Variants in PKD1 observed in about 807,000 individuals in gnomAD.
The protein encoded by PKD1 is polycystin-1.
Under a neutral mutation model 361.7 loss-of-function variants are expected in PKD1, and 81 were observed. The observed-to-expected ratio is 0.22, with a 90% CI of 0.19 to 0.27. The LOEUF is 0.27. Among genes scored for constraint, PKD1 ranks in the 10% least tolerant of loss-of-function variants. The pLI is 1.00. For missense variants in PKD1, 6,399 were observed against 6,118.3 expected, an observed-to-expected ratio of 1.05 and a Z score of -1.53; for synonymous variants, 3,615 against 2,818.3, an observed-to-expected ratio of 1.28 and a Z score of -8.95.
chr16:2,112,209 A>C lies in PKD1; in HGVS notation c.3295+131T>G. 3.6e-6 allele frequency: 3 copies of C among 831,020 alleles called. No homozygotes were observed. In the South Asian group the frequency reaches 4.3e-5, roughly 12 times the overall value. The allele number at this position is 831,020 out of a possible 1,614,324, so 51.5% of individuals were successfully genotyped here. The stretch of plus-strand genomic sequence containing the variant: ...CCCTCCCTCACCCCAGTAGGGGCCT[A>C]AGCCATCAGCCCAGGTGAGGTCACA... On this transcript the variant is annotated intron_variant, in intron 14 of 45. Coordinates refer to ENST00000262304, the MANE Select transcript of PKD1 (RefSeq NM_001009944.3).
rs767665300 is a variant in PKD1, at chr16:2,110,332, G to A, written c.4835C>T (p.Thr1612Met). The stretch of plus-strand genomic sequence containing the variant: ...GGCGGAGCCCACCTCGTTCTCAGCC[G>A]TGACGATGATATTGAAGGTGCCCAC... Reference protein sequence around the residue: ...RSVGTFNIIVTAENEVGSAQD... With the variant: ...RSVGTFNIIVMAENEVGSAQD... Residue 1612 changes from threonine (T) to methionine (M), a missense_variant, in exon 15 of 46, where the codon ACG becomes ATG. Transcript: ENST00000262304. 9.6e-5 allele frequency: 155 copies of A among 1,612,550 alleles called. No homozygotes were observed. The highest frequency in any genetic ancestry group is 4.9e-4 in the Middle Eastern group (3 of 6,078).
intron 26 of PKD1, 99 bp downstream of exon 26, chr16:2,101,962 C>T: frequency 1.3e-6 from 1 of 757,230 alleles, no homozygotes. Context: ...GCAAAAACTG[C>T]CTTGTTCTGA....
Position 2,103,483 on chromosome 16 carries a change from G to C in PKD1, c.8574C>G (p.Gly2858=), listed in dbSNP as rs545527733. ...CCAGCCGCTCGATGGGGATCTGGGC[G>C]CCGGCCTGTGTCTGGAATGCCATCG... The part of the protein sequence containing the change: ...VASMAFQTQA[G]AQIPIERLAS... Residue 2858 remains glycine, a synonymous_variant, in exon 23 of 46, where the codon GGC becomes GGG. Coordinates refer to ENST00000262304, the MANE Select transcript of PKD1 (RefSeq NM_001009944.3). The C allele has an allele frequency of 4.7e-5, 75 of 1,601,748 alleles. No homozygotes were observed. In the East Asian group the frequency reaches 1.5e-3, roughly 33 times the overall value.
intron 1 of PKD1, among the ~76,000 whole-genome samples, chr16:2,129,938 G>A (rs1169364650): frequency 6.6e-6 from 1 of 152,074 alleles, no homozygotes; most frequent in Non-Finnish European, 1.5e-5. Flanking sequence ...TGACCTGCAG[G>A]TGCTCTCTGT....
rs148538206 is a variant in PKD1, at chr16:2,110,028, G to C, written c.5139C>G (p.Asp1713Glu). Residue 1713 changes from aspartate (D) to glutamate (E), a missense_variant, in exon 15 of 46, where the codon GAC (aspartate) becomes GAG (glutamate). Asp to Glu is a conservative substitution (Grantham distance 45). Coordinates refer to ENST00000262304, the MANE Select transcript of PKD1 (RefSeq NM_001009944.3). ...TCAGCCACCCCACAGGCTCCACGAA[G>C]TCCATGGTGCAGTCGGCCCAGGCGC... ...LGSAWADCTM[D>E]FVEPVGWLMV... 7 of 1,610,544 alleles carry C rather than the reference G, an allele frequency of 4.3e-6. No homozygotes were observed. Among genetic ancestry groups the C allele is most frequent in the Non-Finnish European group, 5.9e-6 (7 of 1,179,676 alleles).
intron 8 of PKD1, among the ~76,000 whole-genome samples, 188 bp downstream of exon 8, chr16:2,116,341 G>C (rs1017063282): frequency 6.6e-6 from 1 of 152,224 alleles, no homozygotes; most frequent in African/African-American, 2.4e-5. Flanking sequence ...CACGCTCAGA[G>C]AAAAGGCCTG....
rs759987199 is a variant in PKD1, at chr16:2,111,467, C to T, written c.3700G>A (p.Ala1234Thr). 1.5e-5 allele frequency: 24 copies of T among 1,611,530 alleles called. No homozygotes were observed. The highest frequency in any genetic ancestry group is 1.0e-4 in the Admixed American group (6 of 59,936). Residue 1234 changes from alanine (A) to threonine (T), a missense_variant, in exon 15 of 46, where the codon GCG becomes ACG. Coordinates refer to ENST00000262304, the MANE Select transcript of PKD1 (RefSeq NM_001009944.3). Reference protein sequence around the residue: ...EQGAPVVVSAAVQTGDNITWT... With the variant: ...EQGAPVVVSATVQTGDNITWT... ...GTGATGTTGTCGCCCGTCTGCACCG[C>T]GGCGCTGACCACCACGGGGGCGCCC... is the stretch of plus-strand genomic sequence containing the variant.
intron 6 of PKD1, among the ~76,000 whole-genome samples, chr16:2,117,272 A>T (rs924713305): frequency 5.9e-5 from 9 of 152,172 alleles, no homozygotes; most frequent in African/African-American, 2.2e-4. Context: ...CACCTCCCGT[A>T]TGGCGTGCCC....
In PKD1 at chr16:2,099,657, A is replaced by C. The variant is rs762256401; in HGVS notation, c.10037T>G (p.Met3346Arg). Residue 3346 changes from methionine (M) to arginine (R), a missense_variant, in exon 30 of 46, where the codon ATG becomes AGG. Transcript: ENST00000262304. ...VYLAILFLFRMSRSKVAGSPS... is the reference protein window; with the variant it reads ...VYLAILFLFRRSRSKVAGSPS... ...GCCCCAGCCCACCTTGCTCCGGGAC[A>C]TCCGGAAGAGAAAAAGGATGGCCAG... 4 of 1,589,662 alleles carry C rather than the reference A, an allele frequency of 2.5e-6. No individual in the cohort carries two copies. The highest frequency in any genetic ancestry group is 1.1e-5 in the South Asian group (1 of 90,104).
At chr16:2,091,293 CCTG>C (rs2091538725) in intron 42 of PKD1, 119 bp from the exon 43 acceptor site, 1 of 350,900 alleles carries the variant, frequency 2.8e-6, no homozygotes, top group African/African-American at 3.5e-5. Flanking sequence ...GGGGCGGGGC[CCTG>C]CGAGGGGGCG....
chr16:2,099,487 G>C, intron 30 of PKD1, 157 bp downstream of exon 30: 2 of 714,028 alleles, frequency 2.8e-6, no homozygotes, highest in Non-Finnish European at 5.0e-6. Context: ...TCCCTGGTCA[G>C]TCTAGCTAAG....
intron 12 of PKD1, 64 bp downstream of exon 12, chr16:2,113,097 A>T (rs1308450554): frequency 4.3e-6 from 4 of 929,848 alleles, no homozygotes; most frequent in Non-Finnish European, 5.0e-6. Flanking sequence ...GCAGAGGTGA[A>T]GGTGGAGCCC....
intron 9 of PKD1, 58 bp from the exon 10 acceptor site, chr16:2,115,683 G>A (rs1307058732): frequency 4.6e-5 from 70 of 1,512,100 alleles, no homozygotes; most frequent in Admixed American, 2.4e-4. Context: ...CGTCAGAGAT[G>A]CCCAACTGCC....
At position 2,117,466 on chromosome 16, in the gene PKD1, C is replaced by A. The variant is rs539273876; in HGVS notation, c.1385+23G>T. The A allele has an allele frequency of 2.7e-4, 382 of 1,431,548 alleles. 7 individuals are homozygous for A. In the South Asian group the frequency reaches 4.6e-3, roughly 17 times the overall value. The allele number at this position is 1,431,548 out of a possible 1,614,324, so 88.7% of individuals were successfully genotyped here. Reference sequence around the variant, plus strand: ...TTCAGAGATCTCCCAACCTATGGCCCCTCGGGGGGTGGGGGCAGGCACCTG... The same window carrying A: ...TTCAGAGATCTCCCAACCTATGGCCACTCGGGGGGTGGGGGCAGGCACCTG... On this transcript the variant is annotated intron_variant, in intron 6 of 45. Transcript: ENST00000262304.
At position 2,111,086 on chromosome 16, in the gene PKD1, G is replaced by A; in HGVS notation, c.4081C>T (p.Leu1361=). The A allele has an allele frequency of 6.2e-7, 1 of 1,610,646 alleles. No individual in the cohort carries two copies. Among genetic ancestry groups the A allele is most frequent in the East Asian group, 2.2e-5 (1 of 44,870 alleles). Residue 1361 remains leucine (L), a synonymous_variant, in exon 15 of 46, where the codon CTG becomes TTG. Transcript: ENST00000262304. Reference sequence around the variant, plus strand: ...TGCGCCCTGTTCACGCGGCTGGACAGCACCAGCGCCAGGGGGAACGTGCCG... The same window carrying A: ...TGCGCCCTGTTCACGCGGCTGGACAACACCAGCGCCAGGGGGAACGTGCCG... ...RSGTFPLALV[L]SSRVNRAHYF...
chr16:2,088,753 G>C lies in PKD1; in HGVS notation c.*974C>G, dbSNP rs558109446. On this transcript the variant is annotated 3_prime_UTR_variant, in exon 46 of 46. Coordinates refer to ENST00000262304, the MANE Select transcript of PKD1 (RefSeq NM_001009944.3). ...TATTGACTTTGTCTGCTTGGTGCGG[G>C]GGTTGGGGGGGTGTCGAGGCTCTAG... 2.4e-5 allele frequency: 28 copies of C among 1,190,192 alleles called. 1 individual carries two copies. In the South Asian group the frequency reaches 3.7e-4, roughly 16 times the overall value. The allele number at this position is 1,190,192 out of a possible 1,614,324, so 73.7% of individuals were successfully genotyped here.
intron 23 of PKD1, 63 bp downstream of exon 23, chr16:2,103,203 A>T: frequency 1.3e-6 from 2 of 1,536,166 alleles, no homozygotes; most frequent in South Asian, 2.3e-5. Context: ...AAGCCCTACG[A>T]GAAACGCCTT....
At position 2,104,561 on chromosome 16, in the gene PKD1, C is replaced by T. The variant is rs759568760; in HGVS notation, c.8098G>A (p.Ala2700Thr). The part of the protein sequence containing the change: ...KLEAMMLILQ[A>T]ETTAGTVTPT... Reference sequence around the variant, plus strand: ...GTCACGGTGCCCGCGGTGGTCTCTGCCTGCAGGATGAGCATCATGGCCTCC... The same window carrying T: ...GTCACGGTGCCCGCGGTGGTCTCTGTCTGCAGGATGAGCATCATGGCCTCC... The change falls in exon 22 of 46, where the codon GCA becomes ACA. Residue 2700 changes from alanine (A) to threonine (T), a missense_variant. Physicochemically the swap from Ala to Thr is moderately conservative, Grantham distance 58. Coordinates refer to ENST00000262304, the MANE Select transcript of PKD1 (RefSeq NM_001009944.3). The T allele has an allele frequency of 2.7e-5, 43 of 1,599,660 alleles. No individual in the cohort carries two copies. The highest frequency in any genetic ancestry group is 3.5e-5 in the Non-Finnish European group (41 of 1,175,270).
chr16:2,089,639 G>C lies in PKD1; in HGVS notation c.*88C>G. On this transcript the variant is annotated 3_prime_UTR_variant, in exon 46 of 46. Coordinates refer to ENST00000262304, the MANE Select transcript of PKD1 (RefSeq NM_001009944.3). ...TGGGGAACCTACGTGCAGCCATTCT[G>C]CCTGGCCCTCGGCCTTGACAGCGGC... 1 of 1,480,280 alleles carries C rather than the reference G, an allele frequency of 6.8e-7. No homozygotes were observed. Among genetic ancestry groups the C allele is most frequent in the Non-Finnish European group, 9.2e-7 (1 of 1,089,938 alleles). 91.7% of individuals were successfully genotyped at this position (1,480,280 alleles called of 1,614,324 possible).
Sources: allele counts gnomAD v4.1 joint callset (sites outside exome capture counted in the v4.1 genomes callset), GRCh38; gene constraint gnomAD v4.1.1; transcripts MANE v1.5; gene names NCBI Gene and HGNC (gene_info 2026-07-23, HGNC 2026-07-21).